The following MCTP1 variants were observed in gnomAD, a reference collection of about 807,000 sequenced individuals.
The protein encoded by MCTP1 is multiple C2 and transmembrane domain-containing protein 1.
MCTP1 carries 69 observed loss-of-function variants against 120.6 expected under a neutral mutation model. That is an observed-to-expected ratio of 0.57 (90% confidence interval 0.47 to 0.70). The LOEUF (loss-of-function observed/expected upper bound fraction) is 0.70. MCTP1 is among the 30% of genes least tolerant of loss of function. The pLI is 0.00. For synonymous variants in MCTP1, 529 were observed against 493.1 expected (o/e 1.07, Z -0.96); for missense variants, 1,203 against 1,248.8 (o/e 0.96, Z 0.55).
intron 12 of MCTP1, among the ~76,000 whole-genome samples, chr5:94,887,363 A>C (rs1453199329): frequency 6.6e-6 from 1 of 152,182 alleles, no homozygotes; most frequent in African/African-American, 2.4e-5. Context: ...CACACAGGCC[A>C]ACTGGGTTAA....
At position 94,894,769 on chromosome 5, in the gene MCTP1, C is replaced by A. The variant is rs745780744; in HGVS notation, c.1719G>T (p.Glu573Asp). ...QTHKLELQLE[E>D]GEGHLVLLVT... ...CCAGCAGCACCAGGTGTCCCTCACC[C>A]TCTTCCAGCTGCAACTCCAGCTTGT... The change falls in exon 11 of 23, where the codon GAG becomes GAT. Residue 573 changes from glutamate to aspartate, a missense_variant. By Grantham distance (45) the Glu-to-Asp change is conservative. Transcript: ENST00000515393. 4 of 1,613,502 alleles carry A rather than the reference C, an allele frequency of 2.5e-6. No individual in the cohort carries two copies. The highest frequency in any genetic ancestry group is 3.4e-6 in the Non-Finnish European group (4 of 1,179,638).
chr5:94,737,781 T>G (rs1222746000), intron 19 of MCTP1, among the ~76,000 whole-genome samples: 1 of 152,194 alleles, frequency 6.6e-6, no homozygotes, highest in South Asian at 2.1e-4. Context: ...GCTCAAGTGA[T>G]TCTCCTGCTT....
intron 1 of MCTP1, among the ~76,000 whole-genome samples, chr5:95,245,536 G>A (rs538422511): frequency 7.9e-5 from 12 of 151,956 alleles, no homozygotes; most frequent in South Asian, 4.2e-4. Flanking sequence ...GCATGCACAA[G>A]TTTCAATAGC....
At chr5:94,824,445 C>T (rs1474539950) in intron 17 of MCTP1, among the ~76,000 whole-genome samples, 1 of 152,166 alleles carries the variant, frequency 6.6e-6, no homozygotes, top group African/African-American at 2.4e-5. Context: ...ATTCGTTTTG[C>T]CAGTATTTTA....
At position 94,956,605 on chromosome 5, in the gene MCTP1, G is replaced by C. The variant is rs554493351; in HGVS notation, c.839-3244C>G. Among the ~76,000 whole-genome samples the C allele has an allele frequency of 2.6e-5, 4 of 152,158 alleles. No homozygotes were observed. The South Asian group carries it at 8.3e-4, about 32-fold the overall frequency. On this transcript the variant is annotated intron_variant, in intron 2 of 22. Coordinates refer to ENST00000515393, the MANE Select transcript of MCTP1 (RefSeq NM_024717.7). ...GATGGAGCTGAAAAACACAGCATGA[G>C]AACTTCGTGAAGCATACACAAATAT...
chr5:95,060,934 A>G (rs1305702098), intron 1 of MCTP1, among the ~76,000 whole-genome samples: 1 of 78,920 alleles, frequency 1.3e-5, no homozygotes, highest in Non-Finnish European at 2.9e-5. Context: ...AGAGCATGCC[A>G]CTCCACAAAA....
At chr5:94,864,568 C>T (rs943426939) in intron 17 of MCTP1, among the ~76,000 whole-genome samples, 1 of 151,792 alleles carries the variant, frequency 6.6e-6, no homozygotes. Flanking sequence ...ACTAGCGCTC[C>T]GTTCCCCAAG....
At chr5:95,167,121 T>C (rs1441496572) in intron 1 of MCTP1, among the ~76,000 whole-genome samples, 1 of 152,164 alleles carries the variant, frequency 6.6e-6, no homozygotes, top group Non-Finnish European at 1.5e-5. Flanking sequence ...GTCCAAGTGT[T>C]CTGATTGTTC....
At chr5:95,057,950 T>C (rs879388658) in intron 1 of MCTP1, among the ~76,000 whole-genome samples, 3 of 152,208 alleles carry the variant, frequency 2.0e-5, no homozygotes, top group Non-Finnish European at 4.4e-5. Context: ...ACTGAAGCCT[T>C]ATTTATAATA....
intron 19 of MCTP1, among the ~76,000 whole-genome samples, chr5:94,730,311 T>C (rs978845695): frequency 6.6e-6 from 1 of 152,118 alleles, no homozygotes; most frequent in Admixed American, 6.5e-5. Context: ...TGGCACATGA[T>C]ACTACACTCA....
chr5:94,747,745 C>T (rs1451868215), intron 19 of MCTP1, among the ~76,000 whole-genome samples: 4 of 151,864 alleles, frequency 2.6e-5, no homozygotes, highest in Non-Finnish European at 5.9e-5. Context: ...TGGTCTTTAA[C>T]TATTATACTA....
chr5:95,251,722 C>T (rs1188876410), intron 1 of MCTP1, among the ~76,000 whole-genome samples: 1 of 152,016 alleles, frequency 6.6e-6, no homozygotes, highest in Non-Finnish European at 1.5e-5. Flanking sequence ...ATATATGGTG[C>T]TTACTATTAT....
Position 95,053,765 on chromosome 5 carries a change from C to G in MCTP1, c.721-36281G>C, listed in dbSNP as rs149564414. ...CAATCCTTTAAAAGTGACGTTGTGG[C>G]CAAATGCGACCTCCACAACTCAGAA... On this transcript the variant is annotated intron_variant, in intron 1 of 22. Transcript: ENST00000515393. Among the ~76,000 whole-genome samples the G allele has an allele frequency of 2.0e-5, 3 of 152,234 alleles. No individual in the cohort carries two copies. In the East Asian group the frequency reaches 5.8e-4, roughly 29 times the overall value.
intron 12 of MCTP1, among the ~76,000 whole-genome samples, chr5:94,881,338 C>T (rs1159668001): frequency 6.6e-6 from 1 of 152,058 alleles, no homozygotes; most frequent in Admixed American, 6.6e-5. Flanking sequence ...TTCCTGCCCC[C>T]CAAAGATTCT....
intron 1 of MCTP1, among the ~76,000 whole-genome samples, chr5:95,222,396 G>T (rs1196211046): frequency 1.3e-5 from 2 of 152,238 alleles, no homozygotes; most frequent in African/African-American, 4.8e-5. Context: ...AGGACAATTA[G>T]CAGTCTCTGC....
At chr5:95,020,661 T>A (rs960552869) in intron 1 of MCTP1, among the ~76,000 whole-genome samples, 1 of 152,086 alleles carries the variant, frequency 6.6e-6, no homozygotes, top group Admixed American at 6.6e-5. Flanking sequence ...TGCCTGATAA[T>A]GTTTTCCATA....
At chr5:95,094,224 C>A (rs1756056345) in intron 1 of MCTP1, among the ~76,000 whole-genome samples, 1 of 152,192 alleles carries the variant, frequency 6.6e-6, no homozygotes, top group Admixed American at 6.5e-5. Context: ...TTCCTACTGT[C>A]TTCTATTTCT....
intron 1 of MCTP1, chr5:95,081,975 C>G (rs1021360836): frequency 2.8e-5 from 8 of 283,942 alleles, no homozygotes. Context: ...TGAGAACTTG[C>G]CAACATCTCC....
At chr5:95,028,643 C>G (rs1001573253) in intron 1 of MCTP1, among the ~76,000 whole-genome samples, 8 of 152,116 alleles carry the variant, frequency 5.3e-5, no homozygotes, top group South Asian at 2.1e-4. Flanking sequence ...TGAGCCAAAG[C>G]AAATAAAATT....
Sources: gnomAD v4.1 joint callset for allele counts (sites outside exome capture counted in the v4.1 genomes callset) on GRCh38, gnomAD v4.1.1 for gene constraint, MANE v1.5 for transcripts, NCBI Gene and HGNC (gene_info 2026-07-23, HGNC 2026-07-21) for gene names.